CNIH4: variants seen among roughly 807,000 people sequenced by gnomAD.
CNIH4 encodes the protein protein cornichon homolog 4.
In CNIH4, 9 loss-of-function variants were observed where a neutral mutation model predicts 21.5. The observed-to-expected ratio is 0.42, with a 90% CI of 0.25 to 0.73. The LOEUF (loss-of-function observed/expected upper bound fraction) is 0.73. CNIH4 is among the 30% of genes least tolerant of loss of function. CNIH4 has a pLI of 0.27. For missense variants in CNIH4, 159 were observed against 170.0 expected (o/e 0.94, Z 0.36); for synonymous variants, 67 against 59.1 (o/e 1.13, Z -0.61).
intron 4 of CNIH4, 75 bp downstream of exon 4, chr1:224,371,498 A>AT (rs1343315224): frequency 1.3e-5 from 19 of 1,431,640 alleles, no homozygotes; most frequent in Non-Finnish European, 1.8e-5. Flanking sequence ...ATACTATAGG[A>AT]TTTTGCATTG....
chr1:224,370,630 C>G (rs894051068), intron 3 of CNIH4, among the ~76,000 whole-genome samples: 3 of 152,092 alleles, frequency 2.0e-5, no homozygotes, highest in Non-Finnish European at 4.4e-5. Flanking sequence ...GGGTTTGAAG[C>G]CTTCTTTAAC....
chr1:224,367,921 T>A (rs908960504), intron 3 of CNIH4, among the ~76,000 whole-genome samples: 3 of 152,234 alleles, frequency 2.0e-5, no homozygotes, highest in Admixed American at 2.0e-4. Flanking sequence ...CTTAATGTTA[T>A]ACCAGACCAT....
intron 1 of CNIH4, 38 bp downstream of exon 1, chr1:224,357,031 G>T (rs1218154879): frequency 1.3e-6 from 2 of 1,588,332 alleles, no homozygotes; most frequent in South Asian, 1.1e-5. Context: ...CTTGCCGGGG[G>T]ACACGGCTGA....
At position 224,376,043 on chromosome 1, in the gene CNIH4, C is replaced by T. The variant is rs914275299; in HGVS notation, c.*221C>T. 28 of 1,247,134 alleles carry T rather than the reference C, an allele frequency of 2.2e-5. No individual in the cohort carries two copies. Among genetic ancestry groups the T allele is most frequent in the Non-Finnish European group, 2.4e-5 (24 of 993,304 alleles). The allele number at this position is 1,247,134 out of a possible 1,614,324, so 77.3% of individuals were successfully genotyped here. On this transcript the variant is annotated 3_prime_UTR_variant, in exon 5 of 5. Coordinates refer to ENST00000465271, the MANE Select transcript of CNIH4 (RefSeq NM_014184.4). ...CTCAACTTTAGCCTGAACGCCAACA[C>T]TTGAAGGTGTTTTTCATCCTCTGTA...
At chr1:224,363,028 CT>C (rs1272689509) in intron 2 of CNIH4, among the ~76,000 whole-genome samples, 1 of 151,322 alleles carries the variant, frequency 6.6e-6, no homozygotes, top group South Asian at 2.1e-4. Flanking sequence ...GCTTTTTCTT[CT>C]GAATTTTCTT....
Position 224,376,510 on chromosome 1 carries a change from C to A in CNIH4, c.*688C>A, listed in dbSNP as rs139702015. ...ACAATCACCCCCAAACCCAGAAAAT[C>A]CCCACTGGCTCTTGCCAGTCTGGTT... On this transcript the variant is annotated 3_prime_UTR_variant, in exon 5 of 5. Coordinates refer to ENST00000465271, the MANE Select transcript of CNIH4 (RefSeq NM_014184.4). 6.1e-6 allele frequency: 6 copies of A among 985,406 alleles called. No individual in the cohort carries two copies. The highest frequency in any genetic ancestry group is 7.2e-6 in the Non-Finnish European group (6 of 829,928). The allele number at this position is 985,406 out of a possible 1,614,324, so 61.0% of individuals were successfully genotyped here. A position where few individuals can be genotyped will look rare whatever the true frequency, so the allele number is the denominator to read the frequency against.
At chr1:224,363,913 T>C (rs964089951) in intron 2 of CNIH4, among the ~76,000 whole-genome samples, 6 of 152,146 alleles carry the variant, frequency 3.9e-5, no homozygotes, top group East Asian at 1.9e-4. Context: ...TAGGTGTTTT[T>C]TCGAGTCATT....
chr1:224,376,642 G>A lies in CNIH4; in HGVS notation c.*820G>A, dbSNP rs1209741407. The A allele has an allele frequency of 1.0e-6, 1 of 985,320 alleles. No homozygotes were observed. Among genetic ancestry groups the A allele is most frequent in the African/African-American group, 1.7e-5 (1 of 57,226 alleles). The allele number at this position is 985,320 out of a possible 1,614,324, so 61.0% of individuals were successfully genotyped here. On this transcript the variant is annotated 3_prime_UTR_variant, in exon 5 of 5. Coordinates refer to ENST00000465271, the MANE Select transcript of CNIH4 (RefSeq NM_014184.4). Reference sequence around the variant, plus strand: ...TTAGAAGCAGGAATAGTTATTTGCTGTCTGTGAAATTGAGCCTTTTGGTGC... The same window carrying A: ...TTAGAAGCAGGAATAGTTATTTGCTATCTGTGAAATTGAGCCTTTTGGTGC...
intron 1 of CNIH4, chr1:224,357,328 G>T (rs964291393): frequency 2.9e-5 from 7 of 242,862 alleles, no homozygotes; most frequent in Non-Finnish European, 5.4e-5. Context: ...GACCAGCCCT[G>T]CCTGAGCCAC....
chr1:224,365,870 C>T lies in CNIH4; in HGVS notation c.139-9C>T. The T allele has an allele frequency of 6.7e-7, 1 of 1,494,848 alleles. No homozygotes were observed. The highest frequency in any genetic ancestry group is 1.7e-5 in the Admixed American group (1 of 59,860). 92.6% of individuals were successfully genotyped at this position (1,494,848 alleles called of 1,614,324 possible). ...CAGTGAGATGTAATACTGTGTTCTTCCATTGCAGTGGGTAATTCCAGAATT... is the reference window on the plus strand; with the variant it reads ...CAGTGAGATGTAATACTGTGTTCTTTCATTGCAGTGGGTAATTCCAGAATT... On this transcript the variant is annotated splice_polypyrimidine_tract_variant and intron_variant, in intron 2 of 4. Coordinates refer to ENST00000465271, the MANE Select transcript of CNIH4 (RefSeq NM_014184.4).
chr1:224,365,918 G>A lies in CNIH4; in HGVS notation c.178G>A (p.Val60Ile), dbSNP rs772022347. 1.2e-6 allele frequency: 2 copies of A among 1,613,060 alleles called. No homozygotes were observed. The highest frequency in any genetic ancestry group is 1.7e-6 in the Non-Finnish European group (2 of 1,179,036). Reference protein sequence around the residue: ...PELIGHTIVTVLLLMSLHWFI... With the variant: ...PELIGHTIVTILLLMSLHWFI... ...ATTGATTGGCCATACCATTGTCACT[G>A]TATTACTGCTCATGTCATTGCACTG... is the stretch of plus-strand genomic sequence containing the variant. The change falls in exon 3 of 5, where the codon GTA becomes ATA. Residue 60 changes from valine (V) to isoleucine (I), a missense_variant. Physicochemically the swap from Val to Ile is conservative, Grantham distance 29. Transcript: ENST00000465271.
chr1:224,367,220 G>GA (rs1444837878), intron 3 of CNIH4, among the ~76,000 whole-genome samples: 1 of 152,062 alleles, frequency 6.6e-6, no homozygotes, highest in Non-Finnish European at 1.5e-5. Context: ...AGTTTTTTGG[G>GA]ACAGGACCAT....
Position 224,376,956 on chromosome 1 carries a change from G to C in CNIH4, c.*1134G>C, listed in dbSNP as rs1200821533. The C allele has an allele frequency of 7.2e-6, 7 of 972,114 alleles. No homozygotes were observed. The highest frequency in any genetic ancestry group is 8.6e-6 in the Non-Finnish European group (7 of 817,928). 60.2% of individuals were successfully genotyped at this position (972,114 alleles called of 1,614,324 possible). ...GGCAAAACATGACTGTGTTCTGTGG[G>C]AGAATCCAAAGGCATTATTCACTCT... On this transcript the variant is annotated 3_prime_UTR_variant, in exon 5 of 5. Coordinates refer to ENST00000465271, the MANE Select transcript of CNIH4 (RefSeq NM_014184.4).
chr1:224,366,696 C>T (rs1250036215), intron 3 of CNIH4, among the ~76,000 whole-genome samples: 4 of 143,874 alleles, frequency 2.8e-5, no homozygotes, highest in Admixed American at 1.4e-4. Context: ...CAGTGGCTCA[C>T]GCCTGTAATC....
chr1:224,373,796 G>C (rs557195795), intron 4 of CNIH4, among the ~76,000 whole-genome samples: 5 of 151,712 alleles, frequency 3.3e-5, no homozygotes, highest in South Asian at 4.2e-4. Flanking sequence ...CCACTGCACT[G>C]CAGCCTGGGT....
intron 3 of CNIH4, among the ~76,000 whole-genome samples, chr1:224,366,698 C>T (rs1672466674): frequency 7.1e-6 from 1 of 141,784 alleles, no homozygotes; most frequent in Non-Finnish European, 1.5e-5. Context: ...GTGGCTCACG[C>T]CTGTAATCCC....
chr1:224,361,114 A>ATT (rs34687621), intron 2 of CNIH4, among the ~76,000 whole-genome samples: 79 of 128,918 alleles, frequency 6.1e-4, no homozygotes, highest in African/African-American at 7.3e-4. Context: ...TGCCTGGCTA[A>ATT]TTTTTTTTTT....
chr1:224,375,854 C>T lies in CNIH4; in HGVS notation c.*32C>T, dbSNP rs959436222. 1.2e-5 allele frequency: 19 copies of T among 1,613,444 alleles called. No individual in the cohort carries two copies. Among genetic ancestry groups the T allele is most frequent in the Admixed American group, 5.0e-5 (3 of 59,970 alleles). On this transcript the variant is annotated 3_prime_UTR_variant, in exon 5 of 5. Transcript: ENST00000465271. ...AGAAGCCGTGGTTGAAGTCAGCCTA[C>T]ACTACAGTGCACAGTTGAGGAGCCA...
intron 1 of CNIH4, 127 bp downstream of exon 1, chr1:224,357,120 T>C: frequency 9.2e-7 from 1 of 1,087,586 alleles, no homozygotes; most frequent in African/African-American, 1.6e-5. Context: ...CCCTGGGAGC[T>C]GGCCTGGCCG....
Sources: allele counts gnomAD v4.1 joint callset (sites outside exome capture counted in the v4.1 genomes callset), GRCh38; gene constraint gnomAD v4.1.1; transcripts MANE v1.5; gene names NCBI Gene and HGNC (gene_info 2026-07-23, HGNC 2026-07-21).